RAD54B: variants seen among roughly 807,000 people sequenced by gnomAD.
The protein encoded by RAD54B is RAD54 homolog B.
Under a neutral mutation model 95.8 loss-of-function variants are expected in RAD54B, and 78 were observed. The observed-to-expected ratio is 0.81, with a 90% confidence interval of 0.68 to 0.98. The LOEUF is 0.98. Ranked by LOEUF, RAD54B falls within the 50% of genes least tolerant of loss-of-function variation. The pLI is 0.00. For synonymous variants in RAD54B, 328 were observed against 354.9 expected (o/e 0.92, Z 0.85); for missense variants, 957 against 1,056.6 (o/e 0.91, Z 1.31).
At chr8:94,422,512 G>A (rs1276002000) in intron 3 of RAD54B, among the ~76,000 whole-genome samples, 3 of 145,104 alleles carry the variant, frequency 2.1e-5, no homozygotes, top group Admixed American at 1.4e-4. Flanking sequence ...GCTTGAATCC[G>A]GGAGGCGGAG....
intron 3 of RAD54B, chr8:94,431,773 C>G: frequency 3.0e-6 from 3 of 996,402 alleles, no homozygotes; most frequent in Non-Finnish European, 3.6e-6. Context: ...TTAAAAATCT[C>G]TAATTATAGC....
chr8:94,435,238 G>A, intron 3 of RAD54B, among the ~76,000 whole-genome samples: 1 of 151,994 alleles, frequency 6.6e-6, no homozygotes, highest in Non-Finnish European at 1.5e-5. Context: ...TTAACCAGTG[G>A]CCCCAAGAAT....
intron 3 of RAD54B, chr8:94,436,852 C>G (rs985125837): frequency 1.3e-6 from 2 of 1,529,080 alleles, no homozygotes; most frequent in African/African-American, 2.8e-5. Flanking sequence ...ATTGGAAGAT[C>G]TAGCCTTTCC....
rs924381522 is a variant in RAD54B at position 94,379,737 on chromosome 8, A to G, written c.2247+408T>C. Among the ~76,000 whole-genome samples the G allele has an allele frequency of 3.3e-5, 5 of 152,216 alleles. No individual in the cohort carries two copies. In the East Asian group the frequency reaches 5.8e-4, roughly 18 times the overall value. On this transcript the variant is annotated intron_variant, in intron 12 of 14. Coordinates refer to ENST00000336148, the MANE Select transcript of RAD54B (RefSeq NM_012415.3). ...AAAGGCTTCTCAAACATTTTCCTAA[A>G]TATGTTACTTTTATACCCTTACTAT...
intron 3 of RAD54B, chr8:94,431,366 G>A (rs570820221): frequency 2.9e-5 from 29 of 984,720 alleles, no homozygotes; most frequent in Admixed American, 6.1e-5. Flanking sequence ...AATAGAGAGA[G>A]AATGGGGGTA....
chr8:94,372,122 T>C lies in RAD54B; in HGVS notation c.*48A>G. On this transcript the variant is annotated 3_prime_UTR_variant, in exon 15 of 15. Coordinates refer to ENST00000336148, the MANE Select transcript of RAD54B (RefSeq NM_012415.3). ...TTTCAAAAAGTACATTTAATTACCA[T>C]ACTAATTTTCAAAAGAAGAGCAATG... 6.5e-7 allele frequency: 1 copy of C among 1,532,562 alleles called. No homozygotes were observed. Among genetic ancestry groups the C allele is most frequent in the African/African-American group, 1.4e-5 (1 of 71,442 alleles). 94.9% of individuals were successfully genotyped at this position (1,532,562 alleles called of 1,614,324 possible). A position where few individuals can be genotyped will look rare whatever the true frequency, so the allele number is the denominator to read the frequency against.
At chr8:94,469,965 A>G (rs10102139) in intron 1 of RAD54B, among the ~76,000 whole-genome samples, 7,936 of 152,290 alleles carry the variant, frequency 0.052, 242 homozygotes, top group African/African-American at 0.078. Context: ...AAACAAGGAC[A>G]TTACATACAT....
At chr8:94,426,849 TA>T in intron 3 of RAD54B, among the ~76,000 whole-genome samples, 1 of 152,226 alleles carries the variant, frequency 6.6e-6, no homozygotes, top group East Asian at 1.9e-4. Flanking sequence ...AAATCTTACC[TA>T]AAAAACACAC....
intron 5 of RAD54B, among the ~76,000 whole-genome samples, chr8:94,404,592 G>C (rs774840153): frequency 1.2e-4 from 18 of 152,248 alleles, no homozygotes; most frequent in Middle Eastern, 3.4e-3. Context: ...GAAAGTACAG[G>C]TTGGAATTTT....
intron 4 of RAD54B, among the ~76,000 whole-genome samples, chr8:94,409,403 C>A (rs1811474314): frequency 6.6e-6 from 1 of 151,330 alleles, no homozygotes; most frequent in African/African-American, 2.4e-5. Flanking sequence ...GAGACAGGGT[C>A]TCTCCAGCCC....
chr8:94,372,665 A>G (rs1416836616), intron 14 of RAD54B, among the ~76,000 whole-genome samples: 2 of 152,188 alleles, frequency 1.3e-5, no homozygotes, highest in Non-Finnish European at 2.9e-5. Context: ...ATAAATAATC[A>G]TCTGAAAAAT....
At chr8:94,438,700 C>G (rs898564072) in intron 3 of RAD54B, among the ~76,000 whole-genome samples, 14 of 152,088 alleles carry the variant, frequency 9.2e-5, no homozygotes, top group Admixed American at 9.2e-4. Context: ...GAATGAAACA[C>G]TACTAAAATA....
intron 3 of RAD54B, among the ~76,000 whole-genome samples, chr8:94,426,637 C>T (rs1182810180): frequency 6.6e-6 from 1 of 152,100 alleles, no homozygotes; most frequent in Non-Finnish European, 1.5e-5. Flanking sequence ...ACATGAAGTT[C>T]TAGAATAGGC....
chr8:94,466,136 C>G (rs1295586582), intron 2 of RAD54B, among the ~76,000 whole-genome samples: 1 of 151,920 alleles, frequency 6.6e-6, no homozygotes, highest in Admixed American at 6.6e-5. Flanking sequence ...TAATTGTACA[C>G]TTAAAAATGG....
At chr8:94,427,432 T>C (rs1374772615) in intron 3 of RAD54B, among the ~76,000 whole-genome samples, 2 of 152,068 alleles carry the variant, frequency 1.3e-5, no homozygotes, top group Non-Finnish European at 2.9e-5. Flanking sequence ...TTAGATTGCA[T>C]ATTCTAAGAA....
At chr8:94,380,532 C>A in intron 11 of RAD54B, 126 bp from the exon 12 acceptor site, 2 of 970,152 alleles carry the variant, frequency 2.1e-6, no homozygotes, top group Non-Finnish European at 3.0e-6. Flanking sequence ...TGACCTTGTA[C>A]AATTAAAACA....
At chr8:94,380,448 C>T in intron 11 of RAD54B, 42 bp from the exon 12 acceptor site, 1 of 1,541,020 alleles carries the variant, frequency 6.5e-7, no homozygotes, top group Non-Finnish European at 8.7e-7. Flanking sequence ...AATTTAAAGG[C>T]AGCATTAGAT....
intron 3 of RAD54B, chr8:94,429,431 C>T (rs985497124): frequency 1.1e-6 from 1 of 924,304 alleles, no homozygotes; most frequent in Admixed American, 6.2e-5. Flanking sequence ...AAACATCTCA[C>T]AGAATTAATG....
intron 10 of RAD54B, among the ~76,000 whole-genome samples, chr8:94,388,848 T>C (rs79631285): frequency 0.013 from 1,945 of 152,256 alleles, 46 homozygotes; most frequent in African/African-American, 0.044. Flanking sequence ...CTTGGAAAGA[T>C]CATCAAAGGA....
Sources: gnomAD v4.1 joint callset for allele counts (sites outside exome capture counted in the v4.1 genomes callset) on GRCh38, gnomAD v4.1.1 for gene constraint, MANE v1.5 for transcripts, NCBI Gene and HGNC (gene_info 2026-07-23, HGNC 2026-07-21) for gene names.